Variants in NEB observed in about 807,000 individuals in gnomAD.
The protein encoded by NEB is nebulin, also known as nemaline myopathy type 2.
NEB carries 512 observed loss-of-function variants against 952.2 expected under a neutral mutation model. The ratio of observed to expected loss-of-function variants is 0.54; its 90% CI spans 0.50 to 0.58. The LOEUF is 0.58. NEB is among the 20% of genes least tolerant of loss of function. NEB has a pLI of 0.00. For missense variants in NEB, 8,428 were observed against 9,231.1 expected, an observed-to-expected ratio of 0.91 and a Z score of 3.56; for synonymous variants, 2,900 against 3,149.8, an observed-to-expected ratio of 0.92 and a Z score of 2.66.
chr2:151,531,687 C>A, intron 144 of NEB, 105 bp downstream of exon 144: 1 of 845,134 alleles, frequency 1.2e-6, no homozygotes, highest in Non-Finnish European at 2.0e-6. Context: ...CTCCCTCCCA[C>A]TAAATGGCAG....
chr2:151,559,600 A>G (rs1430594804), intron 124 of NEB, among the ~76,000 whole-genome samples: 2 of 152,248 alleles, frequency 1.3e-5, no homozygotes, highest in African/African-American at 4.8e-5. Context: ...ACCATGGAAT[A>G]CTATGCAGCC....
Position 151,531,017 on chromosome 2 carries a change from T to C in NEB, c.21607A>G (p.Lys7203Glu), listed in dbSNP as rs747925018. The C allele has an allele frequency of 6.2e-7, 1 of 1,613,226 alleles. No homozygotes were observed. The highest frequency in any genetic ancestry group is 1.1e-5 in the South Asian group (1 of 90,920). ...HDTPMLLHVR[K>E]VKDEVSDLKY... ...ACATCACTGACTTCATCTTTAACCT[T>C]GCGGACATGCAGCAACATGGGTGTG... The change falls in exon 145 of 182, where the codon AAG becomes GAG. Residue 7203 changes from lysine (K) to glutamate (E), a missense_variant. Lys to Glu is a moderately conservative substitution (Grantham distance 56). This residue lies in a region of NEB where 3,374 missense variants were observed against 3,651.5 expected (regional missense o/e 0.92). Coordinates refer to ENST00000397345, the MANE Select transcript of NEB (RefSeq NM_001164508.2).
chr2:151,645,609 C>T (rs545419056), intron 55 of NEB, among the ~76,000 whole-genome samples: 2 of 152,260 alleles, frequency 1.3e-5, no homozygotes, highest in South Asian at 2.1e-4. Flanking sequence ...TACTTTAATA[C>T]ATTCTTTAAT....
intron 48 of NEB, among the ~76,000 whole-genome samples, chr2:151,657,444 C>T (rs2099097642): frequency 6.6e-6 from 1 of 152,014 alleles, no homozygotes; most frequent in African/African-American, 2.4e-5. Context: ...TGCTTTTTTG[C>T]CGGCCAGCGC....
intron 24 of NEB, chr2:151,689,221 T>C (rs1208039025): frequency 4.9e-5 from 7 of 143,934 alleles, no homozygotes; most frequent in Admixed American, 1.4e-4. Context: ...TTTTTTTTTT[T>C]TGAGACCGTG....
At chr2:151,485,962 A>G (rs143932500) in intron 181 of NEB, 29 bp from the exon 182 acceptor site, 289 of 1,609,232 alleles carry the variant, frequency 1.8e-4, no homozygotes, top group Non-Finnish European at 2.4e-4. Context: ...AAGGGGAAAT[A>G]TTATATGTTG....
intron 166 of NEB, 166 bp downstream of exon 166, chr2:151,503,183 A>G: frequency 1.6e-6 from 1 of 611,726 alleles, no homozygotes; most frequent in East Asian, 2.8e-5. Flanking sequence ...TATAATCGGA[A>G]ATGTGAGTCA....
At position 151,665,267 on chromosome 2, in the gene NEB, C is replaced by G. The variant is rs2099200571; in HGVS notation, c.5238+66G>C. 5 of 1,472,278 alleles carry G rather than the reference C, an allele frequency of 3.4e-6. No individual in the cohort carries two copies. The South Asian group carries it at 5.9e-5, about 17-fold the overall frequency. 91.2% of individuals were successfully genotyped at this position (1,472,278 alleles called of 1,614,324 possible). ...AACACTGTAGGAGACGATTGGGGCA[C>G]TGCCAGGCTCAATGTCATGAACACC... On this transcript the variant is annotated intron_variant, in intron 42 of 181. Transcript: ENST00000397345.
intron 45 of NEB, 149 bp from the exon 46 acceptor site, chr2:151,662,490 C>CCA (rs1399488368): frequency 5.0e-6 from 3 of 597,904 alleles, no homozygotes; most frequent in Non-Finnish European, 8.1e-6. Flanking sequence ...TGGTATTTAA[C>CCA]CAATAGCATG....
intron 51 of NEB, 41 bp from the exon 52 acceptor site, chr2:151,654,140 T>C (rs1164732708): frequency 7.7e-7 from 1 of 1,304,082 alleles, no homozygotes. Context: ...TCTGTCTATA[T>C]AAAGAATATC....
In NEB at chr2:151,490,031, A is replaced by G. The variant is rs965449402; in HGVS notation, c.25344T>C (p.Ser8448=). ...CCGTTGTCTGTTGGGTAGCAACTGA[A>G]GATGATCGTTGTTGTGGGAGCTCTG... The part of the protein sequence containing the change: ...KTTELPQQRS[S]SVATQQTTVS... The change falls in exon 181 of 182, where the codon TCT becomes TCC. Residue 8448 remains serine, a synonymous_variant. Coordinates refer to ENST00000397345, the MANE Select transcript of NEB (RefSeq NM_001164508.2). 1.9e-6 allele frequency: 3 copies of G among 1,613,618 alleles called. No homozygotes were observed. In the African/African-American group the frequency reaches 4.0e-5, roughly 22 times the overall value.
chr2:151,640,697 G>C (rs770826114), intron 60 of NEB, 31 bp from the exon 61 acceptor site: 2 of 1,574,390 alleles, frequency 1.3e-6, no homozygotes, highest in South Asian at 2.3e-5. Context: ...ATAGTCATCT[G>C]TTTTAACTTT....
At chr2:151,501,555 C>T (rs2064579259) in intron 167 of NEB, 72 bp from the exon 168 acceptor site, 1 of 804,760 alleles carries the variant, frequency 1.2e-6, no homozygotes, top group East Asian at 3.0e-5. Flanking sequence ...CCTAAAAAAA[C>T]AGCCTAAAAG....
rs534898649 is a variant in NEB, at chr2:151,493,342, C to T, written c.24765+11G>A. ...GTTGTTGCACTATTTCTTTTTAGTC[C>T]TAGAAAATACCGAGCTAATGTTTTC... On this transcript the variant is annotated intron_variant, in intron 176 of 181. Transcript: ENST00000397345. 3.6e-5 allele frequency: 57 copies of T among 1,591,440 alleles called. No homozygotes were observed. The South Asian group carries it at 5.7e-4, about 16-fold the overall frequency.
At chr2:151,533,681 A>G (rs1044064820) in intron 142 of NEB, 135 bp from the exon 143 acceptor site, 68 of 611,650 alleles carry the variant, frequency 1.1e-4, no homozygotes, top group East Asian at 6.4e-4. Context: ...GTGCGGGTGA[A>G]GACATCAAAT....
At chr2:151,621,171 TTC>T (rs1255281302) in intron 71 of NEB, 145 bp from the exon 72 acceptor site, 20 of 617,810 alleles carry the variant, frequency 3.2e-5, no homozygotes, top group Middle Eastern at 4.2e-4. Context: ...TTCTTTTACT[TTC>T]TGTTTATCCT....
intron 71 of NEB, among the ~76,000 whole-genome samples, chr2:151,624,949 T>G (rs923971526): frequency 1.3e-5 from 2 of 152,174 alleles, no homozygotes; most frequent in African/African-American, 2.4e-5. Context: ...ATGGGTGAAT[T>G]TAAGAATTCT....
chr2:151,628,691 A>C (rs2098589007), intron 68 of NEB, among the ~76,000 whole-genome samples: 1 of 151,970 alleles, frequency 6.6e-6, no homozygotes, highest in Non-Finnish European at 1.5e-5. Flanking sequence ...AAATACAAAA[A>C]ATACTAAATA....
At chr2:151,541,160 A>G (rs2094001679) in intron 136 of NEB, among the ~76,000 whole-genome samples, 1 of 152,172 alleles carries the variant, frequency 6.6e-6, no homozygotes, top group Non-Finnish European at 1.5e-5. Context: ...TTGTCTGCGG[A>G]TAACAGGAAG....
Sources: allele counts gnomAD v4.1 joint callset (sites outside exome capture counted in the v4.1 genomes callset), GRCh38; gene constraint gnomAD v4.1.1; regional missense constraint gnomAD v4.1.1; transcripts MANE v1.5; gene names NCBI Gene and HGNC (gene_info 2026-07-23, HGNC 2026-07-21).